Variants in KCNIP4 observed in about 807,000 individuals in gnomAD.
KCNIP4 encodes the protein Kv channel-interacting protein 4.
A neutral mutation model predicts 34.0 loss-of-function variants in KCNIP4; 12 were observed. That is an observed-to-expected ratio of 0.35 (90% CI 0.23 to 0.57). KCNIP4 has a LOEUF of 0.57. Among genes scored for constraint, KCNIP4 ranks in the 20% least tolerant of loss-of-function variants. The pLI is 0.83. For synonymous variants in KCNIP4, 124 were observed against 102.2 expected (o/e 1.21, Z -1.29); for missense variants, 238 against 311.7 (o/e 0.76, Z 1.78).
At chr4:21,726,900 G>A (rs1161554028) in intron 1 of KCNIP4, among the ~76,000 whole-genome samples, 1 of 152,036 alleles carries the variant, frequency 6.6e-6, no homozygotes, top group East Asian at 1.9e-4. Flanking sequence ...TGTAGATTTG[G>A]GAAAGTAGAT....
At chr4:21,397,788 T>A (rs1723131369) in intron 1 of KCNIP4, among the ~76,000 whole-genome samples, 1 of 152,172 alleles carries the variant, frequency 6.6e-6, no homozygotes, top group African/African-American at 2.4e-5. Flanking sequence ...AATAAATAAG[T>A]GGGGGCTCCT....
chr4:21,832,821 A>G (rs1723078134), intron 1 of KCNIP4, among the ~76,000 whole-genome samples: 1 of 145,078 alleles, frequency 6.9e-6, no homozygotes, highest in Non-Finnish European at 1.5e-5. Context: ...ATTCCCACCT[A>G]TGAGTGAGAA....
intron 1 of KCNIP4, among the ~76,000 whole-genome samples, chr4:21,578,865 T>C (rs889299825): frequency 2.0e-5 from 3 of 152,208 alleles, no homozygotes; most frequent in African/African-American, 7.2e-5. Flanking sequence ...TTGCACCTTC[T>C]TAAAGTACAT....
chr4:21,212,476 G>A (rs1039785742), intron 1 of KCNIP4, among the ~76,000 whole-genome samples: 4 of 152,130 alleles, frequency 2.6e-5, no homozygotes, highest in Non-Finnish European at 4.4e-5. Flanking sequence ...TTATCAAGAG[G>A]GCTTCGTCAG....
intron 1 of KCNIP4, among the ~76,000 whole-genome samples, chr4:20,913,110 CA>C (rs1382145543): frequency 3.3e-5 from 5 of 151,738 alleles, no homozygotes; most frequent in Non-Finnish European, 7.4e-5. Context: ...TCACAGTAGC[CA>C]AAAGGTGGAA....
chr4:21,595,358 A>G (rs768818886), intron 1 of KCNIP4, among the ~76,000 whole-genome samples: 1 of 152,118 alleles, frequency 6.6e-6, no homozygotes, highest in African/African-American at 2.4e-5. Context: ...TCCACGGTAT[A>G]TATGTGCCAC....
intron 1 of KCNIP4, among the ~76,000 whole-genome samples, chr4:21,099,161 A>G (rs1316235806): frequency 6.6e-6 from 1 of 152,316 alleles, no homozygotes; most frequent in South Asian, 2.1e-4. Flanking sequence ...ATAAAAATAC[A>G]TGCACACACA....
At chr4:21,274,113 A>T (rs2109143258) in intron 1 of KCNIP4, among the ~76,000 whole-genome samples, 1 of 152,290 alleles carries the variant, frequency 6.6e-6, no homozygotes, top group East Asian at 1.9e-4. Flanking sequence ...TTCTTTCATT[A>T]AAAATACAAA....
intron 1 of KCNIP4, among the ~76,000 whole-genome samples, chr4:21,022,076 G>A (rs531380340): frequency 5.4e-4 from 82 of 152,070 alleles, no homozygotes; most frequent in African/African-American, 1.8e-3. Context: ...AATTTCATAT[G>A]TGATAGTAAT....
intron 1 of KCNIP4, among the ~76,000 whole-genome samples, chr4:21,912,249 C>T (rs1728373489): frequency 2.0e-5 from 3 of 151,938 alleles, no homozygotes; most frequent in Non-Finnish European, 4.4e-5. Flanking sequence ...TGGTATTGTC[C>T]CTGTGTTCAA....
intron 3 of KCNIP4, among the ~76,000 whole-genome samples, chr4:20,824,893 A>G (rs1045615961): frequency 1.3e-5 from 2 of 152,186 alleles, no homozygotes; most frequent in Admixed American, 1.3e-4. Context: ...AAGAACTACT[A>G]AAACACAATT....
intron 3 of KCNIP4, among the ~76,000 whole-genome samples, chr4:20,794,224 A>G (rs1348077984): frequency 1.3e-5 from 2 of 152,200 alleles, no homozygotes; most frequent in African/African-American, 2.4e-5. Context: ...TACACCTCAC[A>G]TGAGCAGTTC....
At chr4:20,821,224 C>T (rs767841621) in intron 3 of KCNIP4, among the ~76,000 whole-genome samples, 7 of 152,198 alleles carry the variant, frequency 4.6e-5, no homozygotes, top group African/African-American at 1.2e-4. Context: ...ATTATTATCA[C>T]GCCTCAGAGG....
chr4:21,100,534 CAG>C (rs1357020099), intron 1 of KCNIP4, among the ~76,000 whole-genome samples: 2 of 152,054 alleles, frequency 1.3e-5, no homozygotes, highest in African/African-American at 2.4e-5. Context: ...GCCTGGGTGA[CAG>C]AGTGAGATGC....
chr4:21,348,242 A>G (rs188568575), intron 1 of KCNIP4, among the ~76,000 whole-genome samples: 8 of 152,286 alleles, frequency 5.3e-5, no homozygotes, highest in Admixed American at 3.3e-4. Context: ...AAGATATATT[A>G]TTATCAAGTC....
chr4:21,384,670 C>A (rs934812824), intron 1 of KCNIP4, among the ~76,000 whole-genome samples: 18 of 152,190 alleles, frequency 1.2e-4, no homozygotes, highest in Admixed American at 6.5e-5. Context: ...CAGAATTGAT[C>A]CAGAGAATTT....
intron 1 of KCNIP4, among the ~76,000 whole-genome samples, chr4:21,866,562 C>T (rs748004133): frequency 1.4e-4 from 21 of 152,050 alleles, no homozygotes; most frequent in Non-Finnish European, 2.1e-4. Context: ...GGAATGGTCA[C>T]GTGCATAATG....
chr4:21,850,739 A>T (rs908203189), intron 1 of KCNIP4: 5 of 152,110 alleles, frequency 3.3e-5, no homozygotes, highest in Non-Finnish European at 5.9e-5. Flanking sequence ...TTTTTACATC[A>T]GTTTGATCCC....
chr4:21,046,513 T>C (rs568695744), intron 1 of KCNIP4, among the ~76,000 whole-genome samples: 2 of 152,220 alleles, frequency 1.3e-5, no homozygotes, highest in South Asian at 4.1e-4. Context: ...GACTTTTAAA[T>C]AAAGCCAGGG....
Sources: allele counts gnomAD v4.1 joint callset (sites outside exome capture counted in the v4.1 genomes callset), GRCh38; gene constraint gnomAD v4.1.1; transcripts MANE v1.5; gene names NCBI Gene and HGNC (gene_info 2026-07-23, HGNC 2026-07-21).